The following ZNF610 variants were observed in gnomAD, a reference collection of about 807,000 sequenced individuals.
ZNF610 encodes the protein zink finger protein.
ZNF610 carries 14 observed loss-of-function variants against 14.1 expected under a neutral mutation model. That is an observed-to-expected ratio of 0.99 (90% CI 0.65 to 1.55). ZNF610 has a LOEUF of 1.55. Among genes scored for constraint, ZNF610 ranks in the 40% most tolerant of loss-of-function variants. The pLI is 0.00. For synonymous variants in ZNF610, 185 were observed against 187.6 expected (o/e 0.99, Z 0.11); for missense variants, 530 against 558.0 (o/e 0.95, Z 0.51).
intron 1 of ZNF610, among the ~76,000 whole-genome samples, chr19:52,341,447 T>G (rs1157477180): frequency 6.6e-6 from 1 of 151,100 alleles, no homozygotes; most frequent in Non-Finnish European, 1.5e-5. Flanking sequence ...GTAGCTGGGA[T>G]TACAAGCACA....
intron 3 of ZNF610, among the ~76,000 whole-genome samples, chr19:52,351,610 T>G (rs934536800): frequency 6.6e-6 from 1 of 152,128 alleles, no homozygotes; most frequent in African/African-American, 2.4e-5. Context: ...TGTCACCTCC[T>G]CACTGAAGAG....
At chr19:52,344,344 A>C (rs932752067) in intron 1 of ZNF610, among the ~76,000 whole-genome samples, 1 of 150,234 alleles carries the variant, frequency 6.7e-6, no homozygotes, top group African/African-American at 2.5e-5. Flanking sequence ...CCGATTTAAC[A>C]CTCCAGCCTG....
intron 1 of ZNF610, among the ~76,000 whole-genome samples, chr19:52,345,833 T>C (rs1302765041): frequency 2.0e-5 from 3 of 151,682 alleles, no homozygotes; most frequent in African/African-American, 7.3e-5. Context: ...GCCTCCCGAG[T>C]AGCTGGGACT....
Position 52,367,326 on chromosome 19 carries a change from C to T in ZNF610, c.*559C>T, listed in dbSNP as rs553541493. On this transcript the variant is annotated 3_prime_UTR_variant, in exon 6 of 6. Transcript: ENST00000403906. ...TTTTAGTCGAGACGGGGTTTCCCTC[C>T]GTTGGCCAGGCCGGTTTCAAACTCC... is the stretch of plus-strand genomic sequence containing the variant. 1.6e-3 allele frequency: 240 copies of T among 152,502 alleles called. No individual in the cohort carries two copies. Among genetic ancestry groups the T allele is most frequent in the Admixed American group, 4.0e-3 (61 of 15,286 alleles). The allele number at this position is 152,502 out of a possible 1,614,324, so 9.4% of individuals were successfully genotyped here.
chr19:52,352,546 C>T (rs1392801664), intron 3 of ZNF610, among the ~76,000 whole-genome samples: 1 of 152,074 alleles, frequency 6.6e-6, no homozygotes, highest in Non-Finnish European at 1.5e-5. Context: ...CCAAAACTTG[C>T]TTTCAATATA....
At chr19:52,358,223 C>T (rs989955931) in intron 5 of ZNF610, among the ~76,000 whole-genome samples, 5 of 152,236 alleles carry the variant, frequency 3.3e-5, no homozygotes, top group African/African-American at 9.6e-5. Context: ...CCCACTCTGT[C>T]GCCGGGCTGG....
At position 52,366,415 on chromosome 19, in the gene ZNF610, G is replaced by A. The variant is rs1986058391; in HGVS notation, c.1037G>A (p.Cys346Tyr). 1 of 1,614,146 alleles carries A rather than the reference G, an allele frequency of 6.2e-7. No individual in the cohort carries two copies. The highest frequency in any genetic ancestry group is 1.3e-5 in the African/African-American group (1 of 75,040). The change falls in exon 6 of 6, where the codon TGT becomes TAT. Residue 346 changes from cysteine (C) to tyrosine (Y), a missense_variant. By Grantham distance (194) the Cys-to-Tyr change is radical (BLOSUM62 -2). Coordinates refer to ENST00000403906, the MANE Select transcript of ZNF610 (RefSeq NM_001161425.2). ...RSHTAEKPYK[C>Y]NECGKVFSLL... is the part of the protein sequence containing the mutation. ...CACACGGCGGAAAAACCTTACAAAT[G>A]TAATGAATGTGGCAAGGTCTTTAGT...
intron 5 of ZNF610, among the ~76,000 whole-genome samples, chr19:52,361,532 A>G (rs1985776498): frequency 6.6e-6 from 1 of 151,830 alleles, no homozygotes; most frequent in African/African-American, 2.4e-5. Context: ...TTCCATTTCT[A>G]AGTTTACTTA....
intron 1 of ZNF610, among the ~76,000 whole-genome samples, chr19:52,338,890 C>A (rs187789046): frequency 6.6e-6 from 1 of 151,904 alleles, no homozygotes; most frequent in African/African-American, 2.4e-5. Flanking sequence ...AAAAGTGGGC[C>A]CAGGGGACCG....
In ZNF610 at chr19:52,347,779, T is replaced by G. The variant is rs565187225; in HGVS notation, c.-185T>G. The G allele has an allele frequency of 6.6e-6, 1 of 152,296 alleles. No homozygotes were observed. Among genetic ancestry groups the G allele is most frequent in the Non-Finnish European group, 1.5e-5 (1 of 68,018 alleles). The allele number at this position is 152,296 out of a possible 1,614,324, so 9.4% of individuals were successfully genotyped here. A position where few individuals can be genotyped will look rare whatever the true frequency, so the allele number is the denominator to read the frequency against. ...GTCAAGCAGTCTGCCTGCCTCGTTC[T>G]CCAAACGTGCTGGGATTACAGGCAT... On this transcript the variant is annotated 5_prime_UTR_variant, in exon 2 of 6. Coordinates refer to ENST00000403906, the MANE Select transcript of ZNF610 (RefSeq NM_001161425.2).
At chr19:52,359,416 C>G (rs1204485139) in intron 5 of ZNF610, among the ~76,000 whole-genome samples, 1 of 152,122 alleles carries the variant, frequency 6.6e-6, no homozygotes, top group African/African-American at 2.4e-5. Context: ...AATTGCAGAT[C>G]AGAAATCCAC....
chr19:52,339,486 C>T (rs1357929390), intron 1 of ZNF610, among the ~76,000 whole-genome samples: 1 of 152,048 alleles, frequency 6.6e-6, no homozygotes, highest in African/African-American at 2.4e-5. Context: ...ATGGCGATGA[C>T]TTTTACCAAG....
Position 52,366,182 on chromosome 19 carries a change from G to A in ZNF610, c.804G>A (p.Val268=). Reference sequence around the variant, plus strand: ...ACAAATGTAGTGAATGTGACAAGGTGTTTAATCGCAATTCAAACCTTGCAC... The same window carrying A: ...ACAAATGTAGTGAATGTGACAAGGTATTTAATCGCAATTCAAACCTTGCAC... ...KPYKCSECDK[V]FNRNSNLARH... is the part of the protein sequence containing the mutation. The change falls in exon 6 of 6, where the codon GTG becomes GTA. Residue 268 remains valine (V), a synonymous_variant. Transcript: ENST00000403906. The A allele has an allele frequency of 6.2e-7, 1 of 1,613,698 alleles. No homozygotes were observed. The highest frequency in any genetic ancestry group is 8.5e-7 in the Non-Finnish European group (1 of 1,179,730).
chr19:52,361,671 G>GCC (rs1212842932), intron 5 of ZNF610, among the ~76,000 whole-genome samples: 3 of 151,482 alleles, frequency 2.0e-5, no homozygotes, highest in African/African-American at 7.3e-5. Context: ...TGTTGCTCAG[G>GCC]CTGATCTCGA....
rs1358406459 is a variant in ZNF610 at position 52,365,863 on chromosome 19, C to T, written c.485C>T (p.Ser162Leu). 1 of 1,613,470 alleles carries T rather than the reference C, an allele frequency of 6.2e-7. No homozygotes were observed. The highest frequency in any genetic ancestry group is 8.5e-7 in the Non-Finnish European group (1 of 1,179,880). The change falls in exon 6 of 6, where the codon TCA becomes TTA. Residue 162 changes from serine (S) to leucine (L), a missense_variant. Physicochemically the swap from Ser to Leu is moderately radical, Grantham distance 145 (BLOSUM62 -2). Transcript: ENST00000403906. ...TTTACAAACCATCGTTCCTCAGTTT[C>T]ACCACTTCAAAAAATTTCTTCTAGT... ...EKFTNHRSSV[S>L]PLQKISSSFT...
chr19:52,348,311 A>G (rs1286363122), intron 2 of ZNF610: 1 of 152,194 alleles, frequency 6.6e-6, no homozygotes, highest in East Asian at 1.9e-4. Context: ...ATTATTTTTA[A>G]TGGATTAATG....
chr19:52,338,957 A>G (rs1243841207), intron 1 of ZNF610, among the ~76,000 whole-genome samples: 1 of 151,716 alleles, frequency 6.6e-6, no homozygotes, highest in East Asian at 1.9e-4. Flanking sequence ...CTCAGTATTT[A>G]TTGATCACTA....
intron 5 of ZNF610, among the ~76,000 whole-genome samples, chr19:52,358,360 T>G (rs535886374): frequency 2.0e-5 from 3 of 152,256 alleles, no homozygotes; most frequent in African/African-American, 7.2e-5. Context: ...ATTTTTGTGT[T>G]TTTAGTAGAG....
rs374288115 is a variant in ZNF610, at chr19:52,354,399, G to A, written c.319+20G>A. ...ACACAGGTAAGAGCTCTGATGGGCA[G>A]TGTGGAGGCCATAGTTTTTATTTTT... On this transcript the variant is annotated intron_variant, in intron 5 of 5. Transcript: ENST00000403906. 21 of 1,609,166 alleles carry A rather than the reference G, an allele frequency of 1.3e-5. No individual in the cohort carries two copies. In the Middle Eastern group the frequency reaches 1.2e-3, roughly 89 times the overall value.
Sources: allele counts gnomAD v4.1 joint callset (sites outside exome capture counted in the v4.1 genomes callset), GRCh38; gene constraint gnomAD v4.1.1; transcripts MANE v1.5; gene names NCBI Gene and HGNC (gene_info 2026-07-23, HGNC 2026-07-21).